RIMS2: variants seen among roughly 807,000 people sequenced by gnomAD.
RIMS2 encodes the protein regulating synaptic membrane exocytosis 2, also known as regulating synaptic membrane exocytosis protein 2.
Under a neutral mutation model 174.4 loss-of-function variants are expected in RIMS2, and 59 were observed. The observed-to-expected ratio is 0.34, with a 90% confidence interval of 0.27 to 0.42. The LOEUF is 0.42. RIMS2 is among the 10% of genes least tolerant of loss of function. The pLI, the probability that RIMS2 is intolerant of heterozygous loss-of-function variation, is 1.00. For synonymous variants in RIMS2, 606 were observed against 572.5 expected (o/e 1.06, Z -0.84); for missense variants, 1,620 against 1,666.3 (o/e 0.97, Z 0.48).
chr8:104,118,508 C>T (rs557935209), intron 19 of RIMS2, among the ~76,000 whole-genome samples: 1 of 151,874 alleles, frequency 6.6e-6, no homozygotes, highest in East Asian at 1.9e-4. Flanking sequence ...CCAAGTGCTT[C>T]AGCCTCCCAG....
intron 15 of RIMS2, among the ~76,000 whole-genome samples, chr8:103,967,006 A>C (rs1158050471): frequency 1.3e-5 from 2 of 151,914 alleles, no homozygotes; most frequent in Non-Finnish European, 2.9e-5. Context: ...ATGGCCCAGA[A>C]TATGCTCTAT....
At chr8:103,768,850 C>T (rs1043577227) in intron 3 of RIMS2, 4 of 580,620 alleles carry the variant, frequency 6.9e-6, no homozygotes, top group Non-Finnish European at 1.3e-5. Flanking sequence ...CAAATGGTGC[C>T]ATATTGCTCT....
chr8:103,811,332 CTG>C (rs2098686539), intron 3 of RIMS2, among the ~76,000 whole-genome samples: 1 of 152,140 alleles, frequency 6.6e-6, no homozygotes. Context: ...AGGTGTCACT[CTG>C]GACATTCTCA....
At chr8:103,603,650 C>G (rs2094883255) in intron 1 of RIMS2, among the ~76,000 whole-genome samples, 1 of 148,294 alleles carries the variant, frequency 6.7e-6, no homozygotes, top group African/African-American at 2.5e-5. Context: ...CACATCCTCT[C>G]CAGCACCTGT....
At chr8:103,796,572 A>T (rs1446572515) in intron 3 of RIMS2, among the ~76,000 whole-genome samples, 1 of 152,110 alleles carries the variant, frequency 6.6e-6, no homozygotes, top group African/African-American at 2.4e-5. Flanking sequence ...GCCTCAGCAG[A>T]TCACTAATGA....
intron 3 of RIMS2, among the ~76,000 whole-genome samples, chr8:103,830,526 A>C (rs1276532556): frequency 6.6e-6 from 1 of 152,208 alleles, no homozygotes; most frequent in East Asian, 1.9e-4. Flanking sequence ...TCTACTGCCC[A>C]CTGTGAGGAC....
intron 11 of RIMS2, 32 bp from the exon 14 acceptor site, chr8:103,931,231 T>G (rs924955791): frequency 1.3e-6 from 2 of 1,529,290 alleles, no homozygotes; most frequent in Non-Finnish European, 1.8e-6. Context: ...AGTAAATGTT[T>G]GAATTGATAA....
At chr8:103,653,842 C>T (rs564963218) in intron 1 of RIMS2, among the ~76,000 whole-genome samples, 5 of 152,122 alleles carry the variant, frequency 3.3e-5, no homozygotes, top group African/African-American at 9.6e-5. Context: ...TACTTAAGGT[C>T]GTTGAAGTAG....
At chr8:103,532,489 G>A (rs905984249) in intron 1 of RIMS2, among the ~76,000 whole-genome samples, 6 of 152,190 alleles carry the variant, frequency 3.9e-5, no homozygotes, top group African/African-American at 1.4e-4. Context: ...CTGTGGTTTT[G>A]TAGACCTGTG....
chr8:103,873,001 C>T (rs1407137368), intron 3 of RIMS2, among the ~76,000 whole-genome samples: 7 of 152,140 alleles, frequency 4.6e-5, no homozygotes, highest in Admixed American at 1.3e-4. Flanking sequence ...GCTATCTTGT[C>T]AACTTTCAGT....
rs533063653 is a variant in RIMS2 at position 103,562,274 on chromosome 8, C to T, written c.176+61212C>T. On this transcript the variant is annotated intron_variant, in intron 1 of 23. Transcript: ENST00000504942. ...GAGACAAGGCAGTCCCTTCTGCCTACGAGCCTGTAAAATCAGAAGCAAATT... is the reference window on the plus strand; with the variant it reads ...GAGACAAGGCAGTCCCTTCTGCCTATGAGCCTGTAAAATCAGAAGCAAATT... Among the ~76,000 whole-genome samples, 156 of 152,276 alleles carry T rather than the reference C, an allele frequency of 1.0e-3. 1 individual carries two copies. The highest frequency in any genetic ancestry group is 3.4e-3 in the Middle Eastern group (1 of 294).
intron 3 of RIMS2, among the ~76,000 whole-genome samples, chr8:103,777,661 G>T (rs1237004175): frequency 5.3e-5 from 8 of 151,898 alleles, no homozygotes; most frequent in African/African-American, 1.9e-4. Context: ...AATTAGGGTT[G>T]ATATAGACAG....
chr8:104,082,210 G>A (rs1403033062), intron 19 of RIMS2, among the ~76,000 whole-genome samples: 1 of 151,604 alleles, frequency 6.6e-6, no homozygotes, highest in Non-Finnish European at 1.5e-5. Flanking sequence ...TGAAGAGAGG[G>A]GAAAAAAGAA....
At chr8:104,083,895 T>C (rs1210530832) in intron 19 of RIMS2, among the ~76,000 whole-genome samples, 2 of 152,124 alleles carry the variant, frequency 1.3e-5, no homozygotes, top group African/African-American at 4.8e-5. Context: ...CTAAAGCTAT[T>C]GAAAAAATAT....
In RIMS2 at chr8:103,816,694, C is replaced by T. The variant is rs114029269; in HGVS notation, c.698+50157C>T. Reference sequence around the variant, plus strand: ...GGTGGAAGAGATCATTTCTGGGATACTGAGGGAACTAGAAGAAAGCTGCTC... The same window carrying T: ...GGTGGAAGAGATCATTTCTGGGATATTGAGGGAACTAGAAGAAAGCTGCTC... On this transcript the variant is annotated intron_variant, in intron 3 of 23. Coordinates refer to ENST00000504942, the Ensembl canonical transcript of RIMS2. 6.2e-3 allele frequency among the ~76,000 whole-genome samples: 949 copies of T among 152,188 alleles called. 11 individuals are homozygous for T. Among genetic ancestry groups the T allele is most frequent in the African/African-American group, 0.022 (895 of 41,514 alleles).
chr8:103,864,819 A>C (rs1244738993), intron 3 of RIMS2, among the ~76,000 whole-genome samples: 1 of 152,156 alleles, frequency 6.6e-6, no homozygotes, highest in Non-Finnish European at 1.5e-5. Flanking sequence ...AGTGTGCCTG[A>C]CTCTAGAGCT....
chr8:104,176,718 TATC>T (rs1166107291), intron 19 of RIMS2, among the ~76,000 whole-genome samples: 1 of 151,512 alleles, frequency 6.6e-6, no homozygotes, highest in Non-Finnish European at 1.5e-5. Flanking sequence ...TATATTTTCA[TATC>T]ATTATATATG....
At chr8:104,207,078 G>A (rs2099083599) in intron 19 of RIMS2, among the ~76,000 whole-genome samples, 1 of 151,802 alleles carries the variant, frequency 6.6e-6, no homozygotes, top group Admixed American at 6.6e-5. Flanking sequence ...GAGAGACTAG[G>A]ATTAAAAAAA....
intron 2 of RIMS2, among the ~76,000 whole-genome samples, chr8:103,726,950 G>A (rs1034878354): frequency 6.6e-6 from 1 of 151,246 alleles, no homozygotes; most frequent in Non-Finnish European, 1.5e-5. Flanking sequence ...TGTTGGCCAG[G>A]CTGATCTTGA....
Sources: allele counts gnomAD v4.1 joint callset (sites outside exome capture counted in the v4.1 genomes callset), GRCh38; gene constraint gnomAD v4.1.1; transcripts MANE v1.5; gene names NCBI Gene and HGNC (gene_info 2026-07-23, HGNC 2026-07-21).